The following NECTIN3 variants were observed in gnomAD, a reference collection of about 807,000 sequenced individuals.
NECTIN3 encodes the protein nectin cell adhesion molecule 3.
Under a neutral mutation model 49.4 loss-of-function variants are expected in NECTIN3, and 8 were observed. The ratio of observed to expected loss-of-function variants is 0.16; its 90% CI spans 0.10 to 0.29. The LOEUF is 0.29. NECTIN3 is among the 10% of genes least tolerant of loss of function. The pLI is 1.00. For synonymous variants in NECTIN3, 277 were observed against 241.1 expected, an observed-to-expected ratio of 1.15 and a Z score of -1.38; for missense variants, 581 against 654.6, an observed-to-expected ratio of 0.89 and a Z score of 1.23.
rs191056546 is a variant in NECTIN3 at position 111,135,745 on chromosome 3, G to A, written c.*1530G>A. The A allele has an allele frequency of 3.5e-4, 338 of 962,674 alleles. 1 individual carries two copies. The African/African-American group carries it at 5.4e-3, about 15-fold the overall frequency. The allele number at this position is 962,674 out of a possible 1,614,324, so 59.6% of individuals were successfully genotyped here. On this transcript the variant is annotated 3_prime_UTR_variant, in exon 6 of 6. Transcript: ENST00000485303. ...TCATCAAATCTAAAACATTTAGGGG[G>A]CAAAATTCTAACATGTTCATGGTAT...
chr3:111,159,662 A>ATG (rs2035170212), intron 7 of NECTIN3, among the ~76,000 whole-genome samples: 1 of 152,188 alleles, frequency 6.6e-6, no homozygotes, highest in Non-Finnish European at 1.5e-5. Flanking sequence ...AATTTCCTCC[A>ATG]ACATCATTCC....
Position 111,151,109 on chromosome 3 carries a change from G to A in NECTIN3, c.1221+3625G>A, listed in dbSNP as rs1425044173. Reference sequence around the variant, plus strand: ...TTCTTAGTGCATAACACAGTGCTTGGCACATATAAGTACCTGATAATTTTT... The same window carrying A: ...TTCTTAGTGCATAACACAGTGCTTGACACATATAAGTACCTGATAATTTTT... On this transcript the variant is annotated intron_variant, in intron 7 of 8. Coordinates refer to the NECTIN3 transcript ENST00000493615. Among the ~76,000 whole-genome samples, 4 of 151,826 alleles carry A rather than the reference G, an allele frequency of 2.6e-5. No homozygotes were observed. In the East Asian group the frequency reaches 7.7e-4, roughly 29 times the overall value.
chr3:111,134,229 T>C lies in NECTIN3; in HGVS notation c.*14T>C. Reference sequence around the variant, plus strand: ...TGGTATGTTTAGCAACCACTGAATGTGACTTAACTATGTACAATGTTCATT... The same window carrying C: ...TGGTATGTTTAGCAACCACTGAATGCGACTTAACTATGTACAATGTTCATT... On this transcript the variant is annotated 3_prime_UTR_variant, in exon 6 of 6. Transcript: ENST00000485303. The C allele has an allele frequency of 6.4e-7, 1 of 1,572,792 alleles. No homozygotes were observed. The highest frequency in any genetic ancestry group is 8.6e-7 in the Non-Finnish European group (1 of 1,163,374).
intron 7 of NECTIN3, among the ~76,000 whole-genome samples, chr3:111,175,955 T>C (rs534571053): frequency 6.6e-5 from 10 of 152,332 alleles, no homozygotes; most frequent in African/African-American, 2.2e-4. Context: ...ATTTAGTTAT[T>C]TGTTACAGTG....
chr3:111,129,649 G>T (rs530819258), intron 5 of NECTIN3, among the ~76,000 whole-genome samples: 212 of 150,892 alleles, frequency 1.4e-3, no homozygotes, highest in Non-Finnish European at 2.4e-3. Flanking sequence ...CGTTATATGA[G>T]ATAATTTTTT....
chr3:111,078,449 A>G (rs552255432), intron 1 of NECTIN3, among the ~76,000 whole-genome samples: 1 of 152,296 alleles, frequency 6.6e-6, no homozygotes, highest in Admixed American at 6.5e-5. Flanking sequence ...AAAAAGTACC[A>G]TGTTTTAATA....
chr3:111,122,350 T>C lies in NECTIN3; in HGVS notation c.917+112T>C, dbSNP rs957686028. 4.0e-6 allele frequency: 3 copies of C among 753,860 alleles called. No individual in the cohort carries two copies. In the Admixed American group the frequency reaches 9.7e-5, roughly 24 times the overall value. The allele number at this position is 753,860 out of a possible 1,614,324, so 46.7% of individuals were successfully genotyped here. On this transcript the variant is annotated intron_variant, in intron 4 of 5. Transcript: ENST00000485303. ...CATGATTATAGTAATAGCAGAAAAT[T>C]TTAATTAAATTTTCTGTCTTATCCT...
chr3:111,085,652 T>C (rs2031880153), intron 1 of NECTIN3, among the ~76,000 whole-genome samples: 1 of 152,198 alleles, frequency 6.6e-6, no homozygotes, highest in Non-Finnish European at 1.5e-5. Context: ...TTTGTAATAC[T>C]TCTTTGCTTA....
intron 7 of NECTIN3, among the ~76,000 whole-genome samples, chr3:111,167,128 A>T (rs2035334534): frequency 6.6e-6 from 1 of 152,254 alleles, no homozygotes; most frequent in South Asian, 2.1e-4. Flanking sequence ...AGCCACATTC[A>T]CTTTGTAAAA....
At chr3:111,130,158 A>G (rs983170758) in intron 5 of NECTIN3, among the ~76,000 whole-genome samples, 1 of 151,652 alleles carries the variant, frequency 6.6e-6, no homozygotes, top group African/African-American at 2.4e-5. Context: ...TGGTTTCACC[A>G]TATTAGCCAG....
chr3:111,077,644 AT>A (rs1690479985), intron 1 of NECTIN3, among the ~76,000 whole-genome samples: 1 of 152,116 alleles, frequency 6.6e-6, no homozygotes, highest in Non-Finnish European at 1.5e-5. Context: ...GGGTTGGGAC[AT>A]TTGTATTTTG....
At chr3:111,192,225 A>G (rs1249939094), upstream of NECTIN3, 10 of 790,230 alleles carry the variant, frequency 1.3e-5, no homozygotes, top group Middle Eastern at 2.3e-4. Context: ...CTCATGTGGA[A>G]CATTTTGCTT....
intron 5 of NECTIN3, among the ~76,000 whole-genome samples, chr3:111,129,653 A>T (rs2034303343): frequency 6.9e-6 from 1 of 145,648 alleles, no homozygotes; most frequent in Non-Finnish European, 1.5e-5. Context: ...ATATGAGATA[A>T]TTTTTTTTTT....
At chr3:111,099,014 T>C (rs1449495302) in intron 1 of NECTIN3, among the ~76,000 whole-genome samples, 2 of 152,166 alleles carry the variant, frequency 1.3e-5, no homozygotes, top group African/African-American at 4.8e-5. Context: ...TTACCAATAC[T>C]TGGGTTTTTC....
At chr3:111,186,099 T>G in intron 7 of NECTIN3, among the ~76,000 whole-genome samples, 1 of 152,200 alleles carries the variant, frequency 6.6e-6, no homozygotes, top group Non-Finnish European at 1.5e-5. Context: ...TTAAAATATT[T>G]AATTATGTCT....
chr3:111,164,140 T>C (rs1411886791), intron 7 of NECTIN3, among the ~76,000 whole-genome samples: 1 of 152,082 alleles, frequency 6.6e-6, no homozygotes, highest in Non-Finnish European at 1.5e-5. Context: ...GAATTAAGAT[T>C]TGAAAGTTAG....
Position 111,071,995 on chromosome 3 carries a change from G to C in NECTIN3, c.-23G>C. Reference sequence around the variant, plus strand: ...GGGGAGCCGGGGGGCGGGCGGGCGAGCGGGCCGGGGGGAGGGTGGGGGATG... The same window carrying C: ...GGGGAGCCGGGGGGCGGGCGGGCGACCGGGCCGGGGGGAGGGTGGGGGATG... On this transcript the variant is annotated 5_prime_UTR_variant, in exon 1 of 6. Coordinates refer to ENST00000485303, the MANE Select transcript of NECTIN3 (RefSeq NM_015480.3). 1 of 1,434,386 alleles carries C rather than the reference G, an allele frequency of 7.0e-7. No individual in the cohort carries two copies. Among genetic ancestry groups the C allele is most frequent in the Non-Finnish European group, 9.2e-7 (1 of 1,091,800 alleles). 88.9% of individuals were successfully genotyped at this position (1,434,386 alleles called of 1,614,324 possible). A position where few individuals can be genotyped will look rare whatever the true frequency, so the allele number is the denominator to read the frequency against.
At chr3:111,098,685 C>T (rs1026797914) in intron 1 of NECTIN3, among the ~76,000 whole-genome samples, 3 of 152,140 alleles carry the variant, frequency 2.0e-5, no homozygotes, top group Non-Finnish European at 4.4e-5. Context: ...GTTCATTTCA[C>T]CTAATTACTC....
intron 1 of NECTIN3, among the ~76,000 whole-genome samples, chr3:111,083,991 A>G (rs2031783835): frequency 6.6e-6 from 1 of 152,212 alleles, no homozygotes. Context: ...AATTTAATTT[A>G]TATGATGAGA....
Sources: allele counts gnomAD v4.1 joint callset (sites outside exome capture counted in the v4.1 genomes callset), GRCh38; gene constraint gnomAD v4.1.1; transcripts MANE v1.5; gene names NCBI Gene and HGNC (gene_info 2026-07-23, HGNC 2026-07-21).